Variants in CHD6 observed in about 807,000 individuals in gnomAD.
The protein encoded by CHD6 is ATP-dependent chromatin remodeler CHD6.
A neutral mutation model predicts 276.9 loss-of-function variants in CHD6; 50 were observed. The ratio of observed to expected loss-of-function variants is 0.18; its 90% CI spans 0.14 to 0.23. The LOEUF (loss-of-function observed/expected upper bound fraction) is 0.23, where lower values mean the gene tolerates loss of function less well. CHD6 is among the 10% of genes least tolerant of loss of function. CHD6 has a pLI of 1.00. For missense variants in CHD6, 2,564 were observed against 3,365.8 expected (o/e 0.76, Z 5.89); for synonymous variants, 1,173 against 1,229.3 (o/e 0.95, Z 0.96).
chr20:41,466,760 G>A (rs1241188526), intron 17 of CHD6, among the ~76,000 whole-genome samples: 1 of 152,114 alleles, frequency 6.6e-6, no homozygotes, highest in African/African-American at 2.4e-5. Flanking sequence ...AATGGCCTTC[G>A]TAGCATCCAT....
At chr20:41,410,398 G>A (rs1253218585) in intron 36 of CHD6, among the ~76,000 whole-genome samples, 1 of 152,144 alleles carries the variant, frequency 6.6e-6, no homozygotes. Context: ...TTGGACATTT[G>A]GGTCTCCAGA....
chr20:41,481,614 A>G (rs2043297151), intron 16 of CHD6, among the ~76,000 whole-genome samples: 1 of 152,126 alleles, frequency 6.6e-6, no homozygotes, highest in South Asian at 2.1e-4. Flanking sequence ...AATATAAATA[A>G]AACACTCTTA....
chr20:41,517,661 T>A (rs1240587344), intron 3 of CHD6, among the ~76,000 whole-genome samples: 1 of 152,232 alleles, frequency 6.6e-6, no homozygotes, highest in African/African-American at 2.4e-5. Context: ...ATGTGGCTCC[T>A]CATTAAGAAA....
chr20:41,579,405 TC>T (rs1284250118), intron 1 of CHD6, among the ~76,000 whole-genome samples: 1 of 131,454 alleles, frequency 7.6e-6, no homozygotes, highest in Non-Finnish European at 1.5e-5. Context: ...AACACTGTAC[TC>T]CTGCCTGGGC....
intron 24 of CHD6, among the ~76,000 whole-genome samples, chr20:41,446,385 G>A (rs371664023): frequency 6.6e-6 from 1 of 152,156 alleles, no homozygotes; most frequent in African/African-American, 2.4e-5. Flanking sequence ...CCAAAGGGAT[G>A]CACATAACTC....
intron 3 of CHD6, among the ~76,000 whole-genome samples, chr20:41,520,632 G>C (rs1378383628): frequency 7.3e-6 from 1 of 136,402 alleles, no homozygotes; most frequent in African/African-American, 2.7e-5. Context: ...AGAACACATG[G>C]ACACAGGAAG....
At chr20:41,584,961 A>C (rs777187866) in intron 1 of CHD6, among the ~76,000 whole-genome samples, 4 of 152,222 alleles carry the variant, frequency 2.6e-5, no homozygotes, top group Non-Finnish European at 5.9e-5. Flanking sequence ...AATGAAATTA[A>C]GAACAGAAAA....
chr20:41,453,230 C>G (rs570387442), intron 20 of CHD6, among the ~76,000 whole-genome samples: 19 of 152,144 alleles, frequency 1.2e-4, no homozygotes, highest in African/African-American at 2.7e-4. Context: ...AAGGCCCCCC[C>G]CCAGTGACCA....
chr20:41,410,705 G>A (rs985717897), intron 36 of CHD6, among the ~76,000 whole-genome samples: 9 of 152,154 alleles, frequency 5.9e-5, no homozygotes, highest in African/African-American at 2.2e-4. Context: ...CTTAGAAATG[G>A]GTTTTCTGGC....
intron 36 of CHD6, among the ~76,000 whole-genome samples, chr20:41,409,441 C>A (rs571696278): frequency 8.5e-5 from 13 of 152,326 alleles, no homozygotes; most frequent in African/African-American, 2.9e-4. Flanking sequence ...ATTGCACAGG[C>A]ATTCCAGCCT....
chr20:41,562,554 G>A (rs1332287346), intron 1 of CHD6, among the ~76,000 whole-genome samples: 4 of 151,308 alleles, frequency 2.6e-5, no homozygotes, highest in African/African-American at 9.7e-5. Flanking sequence ...TGAAACATAC[G>A]GCAATTTGTA....
chr20:41,475,039 C>T (rs2043139844), intron 16 of CHD6, among the ~76,000 whole-genome samples: 2 of 152,274 alleles, frequency 1.3e-5, no homozygotes, highest in Admixed American at 6.5e-5. Context: ...GTCATGAAGG[C>T]AGACTAAAAA....
intron 2 of CHD6, 87 bp from the exon 3 acceptor site, chr20:41,533,657 C>A: frequency 8.2e-7 from 1 of 1,222,582 alleles, no homozygotes; most frequent in Non-Finnish European, 1.1e-6. Context: ...CATGGATTTG[C>A]TCAACAAATA....
intron 27 of CHD6, among the ~76,000 whole-genome samples, chr20:41,434,445 G>A (rs1184836001): frequency 5.3e-5 from 8 of 152,010 alleles, no homozygotes; most frequent in South Asian, 4.2e-4. Flanking sequence ...ATCATGGCTC[G>A]CTGCAACCTC....
In CHD6 at chr20:41,533,580, A is replaced by G; in HGVS notation, c.34-10T>C. 2 of 1,587,640 alleles carry G rather than the reference A, an allele frequency of 1.3e-6. No individual in the cohort carries two copies. The highest frequency in any genetic ancestry group is 1.3e-5 in the African/African-American group (1 of 74,334). The stretch of plus-strand genomic sequence containing the variant: ...CTTTTAAATTTGACAACTGTAAAAG[A>G]AAGAGAAACAAGCATATTACCCTTC... On this transcript the variant is annotated splice_polypyrimidine_tract_variant and intron_variant, in intron 2 of 36. Coordinates refer to ENST00000373233, the MANE Select transcript of CHD6 (RefSeq NM_032221.5).
chr20:41,465,562 T>G (rs572873436), intron 17 of CHD6, among the ~76,000 whole-genome samples: 4 of 152,296 alleles, frequency 2.6e-5, no homozygotes, highest in Admixed American at 6.5e-5. Flanking sequence ...AAATGGAATG[T>G]GGATACTGGG....
chr20:41,567,964 C>T (rs1703377255), intron 1 of CHD6, among the ~76,000 whole-genome samples: 2 of 152,090 alleles, frequency 1.3e-5, no homozygotes, highest in South Asian at 4.1e-4. Flanking sequence ...GAAAATCATA[C>T]TCTACATGGC....
chr20:41,438,597 CA>C (rs903475978), intron 26 of CHD6, among the ~76,000 whole-genome samples: 3 of 151,954 alleles, frequency 2.0e-5, no homozygotes, highest in Admixed American at 6.6e-5. Flanking sequence ...CACAAACAAA[CA>C]AAAAACCCCC....
Position 41,529,539 on chromosome 20 carries a change from T to C in CHD6, c.554+3511A>G, listed in dbSNP as rs141151224. ...ACACTGGTTTGGGGAAACTCTGATA[T>C]ATATCTGAACTCTGATATATATCTG... On this transcript the variant is annotated intron_variant, in intron 3 of 36. Transcript: ENST00000373233. Among the ~76,000 whole-genome samples, 439 of 152,210 alleles carry C rather than the reference T, an allele frequency of 2.9e-3. 2 individuals carry two copies. The highest frequency in any genetic ancestry group is 9.8e-3 in the African/African-American group (406 of 41,528).
Sources: gnomAD v4.1 joint callset for allele counts (sites outside exome capture counted in the v4.1 genomes callset) on GRCh38, gnomAD v4.1.1 for gene constraint, MANE v1.5 for transcripts, NCBI Gene and HGNC (gene_info 2026-07-23, HGNC 2026-07-21) for gene names.